Variants in ITGBL1 observed in about 807,000 individuals in gnomAD.
ITGBL1 encodes the protein integrin subunit beta like 1.
Under a neutral mutation model 68.5 loss-of-function variants are expected in ITGBL1, and 51 were observed. That is an observed-to-expected ratio of 0.74 (90% CI 0.59 to 0.94). The LOEUF (loss-of-function observed/expected upper bound fraction) is 0.94, where lower values mean the gene tolerates loss of function less well. Ranked by LOEUF, ITGBL1 falls within the 40% of genes least tolerant of loss-of-function variation. ITGBL1 has a pLI of 0.00. For synonymous variants in ITGBL1, 209 were observed against 227.3 expected, an observed-to-expected ratio of 0.92 and a Z score of 0.72; for missense variants, 649 against 647.4, an observed-to-expected ratio of 1.00 and a Z score of -0.03.
At chr13:101,567,925 ATGT>A (rs1253739661) in intron 3 of ITGBL1, 80 bp downstream of exon 3, 2 of 1,116,326 alleles carry the variant, frequency 1.8e-6, no homozygotes, top group African/African-American at 3.1e-5. Context: ...GCGTGGAGAA[ATGT>A]TGAATCTCAG....
chr13:101,518,688 T>G (rs1594860713), intron 2 of ITGBL1, among the ~76,000 whole-genome samples: 1 of 152,192 alleles, frequency 6.6e-6, no homozygotes, highest in East Asian at 1.9e-4. Flanking sequence ...CTTGAGAAAA[T>G]GTAATTCTGC....
At chr13:101,706,999 A>C in intron 9 of ITGBL1, 97 bp downstream of exon 9, 1 of 1,315,992 alleles carries the variant, frequency 7.6e-7, no homozygotes, top group Non-Finnish European at 1.1e-6. Context: ...TGAACTTTGC[A>C]TGAAAGCAAA....
At chr13:101,514,358 T>C (rs1235908297) in intron 2 of ITGBL1, among the ~76,000 whole-genome samples, 1 of 152,112 alleles carries the variant, frequency 6.6e-6, no homozygotes, top group Non-Finnish European at 1.5e-5. Context: ...TTAGAGGGAA[T>C]AATTATCTCC....
At chr13:101,684,720 T>C (rs1594979009) in intron 7 of ITGBL1, among the ~76,000 whole-genome samples, 1 of 151,922 alleles carries the variant, frequency 6.6e-6, no homozygotes, top group African/African-American at 2.4e-5. Flanking sequence ...GACAAAGACA[T>C]CTAGTGCAAT....
chr13:101,664,365 A>G (rs1288076505), intron 7 of ITGBL1, among the ~76,000 whole-genome samples: 1 of 152,206 alleles, frequency 6.6e-6, no homozygotes, highest in Non-Finnish European at 1.5e-5. Context: ...AAAATGTATT[A>G]TTTTGGGAAA....
intron 7 of ITGBL1, among the ~76,000 whole-genome samples, chr13:101,636,985 C>G (rs1052949713): frequency 1.2e-4 from 18 of 152,040 alleles, no homozygotes; most frequent in African/African-American, 4.1e-4. Flanking sequence ...CTGAAAGCAA[C>G]TCTTTACTGG....
At chr13:101,491,099 T>C (rs376237543) in intron 2 of ITGBL1, among the ~76,000 whole-genome samples, 2 of 152,340 alleles carry the variant, frequency 1.3e-5, no homozygotes, top group South Asian at 2.1e-4. Context: ...AGTGCTTATA[T>C]ATCTCCAACC....
chr13:101,545,799 G>C (rs1566725624), intron 2 of ITGBL1, among the ~76,000 whole-genome samples: 1 of 152,164 alleles, frequency 6.6e-6, no homozygotes, highest in Non-Finnish European at 1.5e-5. Context: ...ACTAAAGGGA[G>C]AAGGCAGAGC....
chr13:101,458,994 G>A (rs967878221), intron 2 of ITGBL1, among the ~76,000 whole-genome samples: 1 of 152,136 alleles, frequency 6.6e-6, no homozygotes, highest in Non-Finnish European at 1.5e-5. Context: ...TAGTGTCCAA[G>A]GATGAGTAAG....
intron 2 of ITGBL1, among the ~76,000 whole-genome samples, chr13:101,514,212 C>T (rs1023644933): frequency 6.6e-6 from 1 of 151,962 alleles, no homozygotes; most frequent in African/African-American, 2.4e-5. Context: ...CTGGTGTATG[C>T]TAATTTAATA....
chr13:101,696,220 C>T (rs2033999458), intron 8 of ITGBL1, among the ~76,000 whole-genome samples: 1 of 152,134 alleles, frequency 6.6e-6, no homozygotes, highest in Non-Finnish European at 1.5e-5. Context: ...GCTCCTGTCC[C>T]ACAGCCTTCA....
At chr13:101,548,598 G>GTTA (rs752923635) in intron 2 of ITGBL1, among the ~76,000 whole-genome samples, 1 of 151,664 alleles carries the variant, frequency 6.6e-6, no homozygotes, top group Non-Finnish European at 1.5e-5. Flanking sequence ...ATCCATGTCT[G>GTTA]TTATCATTTT....
chr13:101,681,120 A>G (rs1374119296), intron 7 of ITGBL1, among the ~76,000 whole-genome samples: 1 of 152,222 alleles, frequency 6.6e-6, no homozygotes, highest in Non-Finnish European at 1.5e-5. Context: ...GGGAATGATC[A>G]AAGTAATGCA....
At chr13:101,690,778 G>A (rs1206884679) in intron 7 of ITGBL1, among the ~76,000 whole-genome samples, 1 of 152,146 alleles carries the variant, frequency 6.6e-6, no homozygotes, top group East Asian at 1.9e-4. Context: ...TAAATTGAAG[G>A]AAGTCATGGA....
intron 7 of ITGBL1, among the ~76,000 whole-genome samples, chr13:101,623,889 G>A (rs2031680289): frequency 6.6e-6 from 1 of 152,076 alleles, no homozygotes; most frequent in Admixed American, 6.5e-5. Context: ...TGGCCTTCTG[G>A]CCCTGTTTTA....
chr13:101,498,459 G>T (rs960609725), intron 2 of ITGBL1, among the ~76,000 whole-genome samples: 5 of 152,152 alleles, frequency 3.3e-5, no homozygotes, highest in East Asian at 1.9e-4. Flanking sequence ...GTTAGTACCT[G>T]TGATTTGTTT....
At chr13:101,529,219 G>T (rs2139154944) in intron 2 of ITGBL1, among the ~76,000 whole-genome samples, 1 of 151,720 alleles carries the variant, frequency 6.6e-6, no homozygotes, top group African/African-American at 2.4e-5. Flanking sequence ...TTGAAACGTG[G>T]AATATGAATA....
At chr13:101,536,213 T>A (rs2049573755) in intron 2 of ITGBL1, among the ~76,000 whole-genome samples, 1 of 151,964 alleles carries the variant, frequency 6.6e-6, no homozygotes, top group South Asian at 2.1e-4. Context: ...AGGCTATACT[T>A]GTTTCTTCTA....
intron 7 of ITGBL1, among the ~76,000 whole-genome samples, chr13:101,670,490 G>A (rs1249946522): frequency 2.0e-5 from 3 of 152,118 alleles, no homozygotes; most frequent in Non-Finnish European, 4.4e-5. Context: ...GGGAAACTGA[G>A]CTTTGAAAGA....
Sources: gnomAD v4.1 joint callset for allele counts (sites outside exome capture counted in the v4.1 genomes callset) on GRCh38, gnomAD v4.1.1 for gene constraint, MANE v1.5 for transcripts, NCBI Gene and HGNC (gene_info 2026-07-23, HGNC 2026-07-21) for gene names.